MRTFB: variants seen among roughly 807,000 people sequenced by gnomAD.
MRTFB encodes myocardin-related transcription factor B.
Under a neutral mutation model 104.2 loss-of-function variants are expected in MRTFB, and 29 were observed. The observed-to-expected ratio is 0.28, with a 90% CI of 0.21 to 0.38. The LOEUF is 0.38. Ranked by LOEUF, MRTFB falls within the 10% of genes least tolerant of loss-of-function variation. MRTFB has a pLI of 1.00. For synonymous variants in MRTFB, 535 were observed against 519.5 expected (o/e 1.03, Z -0.41); for missense variants, 1,270 against 1,341.6 (o/e 0.95, Z 0.83).
the MRTFB span, among the ~76,000 whole-genome samples, chr16:14,015,574 C>A: frequency 6.6e-6 from 1 of 152,116 alleles, no homozygotes; most frequent in Admixed American, 6.5e-5. Context: ...ACAAATTTTG[C>A]GCTTTTCTGG....
At chr16:14,131,288 T>C (rs1249823156) in intron 2 of MRTFB, among the ~76,000 whole-genome samples, 1 of 152,178 alleles carries the variant, frequency 6.6e-6, no homozygotes, top group African/African-American at 2.4e-5. Flanking sequence ...GGTGAGGCAA[T>C]CACAATCTCA....
intron 2 of MRTFB, among the ~76,000 whole-genome samples, chr16:14,117,017 C>T (rs1364304672): frequency 6.6e-6 from 1 of 152,156 alleles, no homozygotes; most frequent in Non-Finnish European, 1.5e-5. Flanking sequence ...GCTCAGCTCT[C>T]TCGGGACATG....
intron 8 of MRTFB, among the ~76,000 whole-genome samples, chr16:14,229,596 G>A (rs766347249): frequency 3.3e-5 from 5 of 152,198 alleles, no homozygotes; most frequent in Non-Finnish European, 5.9e-5. Flanking sequence ...ATATTCTGCA[G>A]CAGGAACAGT....
chr16:14,194,793 A>G (rs1289007975), intron 3 of MRTFB, among the ~76,000 whole-genome samples: 1 of 147,412 alleles, frequency 6.8e-6, no homozygotes, highest in Admixed American at 6.9e-5. Flanking sequence ...GTGATCTTGG[A>G]TAAATGCTTA....
chr16:14,065,023 C>A, the MRTFB span, among the ~76,000 whole-genome samples: 2 of 152,144 alleles, frequency 1.3e-5, no homozygotes, highest in African/African-American at 4.8e-5. Flanking sequence ...ATAGGAATAG[C>A]ATTGATTCTG....
chr16:14,184,794 C>G (rs1194479602), intron 3 of MRTFB, among the ~76,000 whole-genome samples: 1 of 152,176 alleles, frequency 6.6e-6, no homozygotes, highest in Non-Finnish European at 1.5e-5. Flanking sequence ...GGAGCATATT[C>G]TAGAAGACAG....
intron 3 of MRTFB, chr16:14,152,942 T>G (rs1005413393): frequency 6.6e-6 from 1 of 152,196 alleles, no homozygotes; most frequent in East Asian, 1.9e-4. Flanking sequence ...GTAATATATT[T>G]TGGGAATGAG....
At chr16:14,239,701 G>T (rs1028184398) in intron 9 of MRTFB, among the ~76,000 whole-genome samples, 14 of 152,256 alleles carry the variant, frequency 9.2e-5, no homozygotes, top group African/African-American at 3.4e-4. Flanking sequence ...AAGGAAAAAT[G>T]TAGTATTTGA....
the MRTFB span, among the ~76,000 whole-genome samples, chr16:14,053,249 T>G: frequency 6.6e-6 from 1 of 152,132 alleles, no homozygotes; most frequent in African/African-American, 2.4e-5. Flanking sequence ...TATGTGTGTG[T>G]GTGTATAAAT....
At chr16:14,113,441 A>G (rs1218145093) in intron 2 of MRTFB, among the ~76,000 whole-genome samples, 1 of 152,266 alleles carries the variant, frequency 6.6e-6, no homozygotes, top group Non-Finnish European at 1.5e-5. Flanking sequence ...GAATGAATGA[A>G]CGAATGGATC....
chr16:14,082,984 G>A (rs545422150), intron 2 of MRTFB, among the ~76,000 whole-genome samples: 5 of 152,112 alleles, frequency 3.3e-5, no homozygotes, highest in African/African-American at 1.2e-4. Context: ...CTTTTGATCC[G>A]TGAGCATGGG....
At chr16:14,201,055 C>A in intron 3 of MRTFB, 1 of 1,491,612 alleles carries the variant, frequency 6.7e-7, no homozygotes, top group East Asian at 2.3e-5. Context: ...AGAGCTTAGT[C>A]CATGTTGCAA....
the MRTFB span, among the ~76,000 whole-genome samples, chr16:14,054,773 C>A: frequency 6.6e-6 from 1 of 152,162 alleles, no homozygotes; most frequent in Non-Finnish European, 1.5e-5. Context: ...GAAGCTCCCC[C>A]TTAAAGTTCT....
chr16:14,248,754 G>C, intron 12 of MRTFB, 172 bp from the exon 13 acceptor site: 2 of 621,360 alleles, frequency 3.2e-6, no homozygotes, highest in Non-Finnish European at 5.4e-6. Flanking sequence ...TCCCTCTCTG[G>C]TTTAGAATCA....
At chr16:14,015,581 C>T in the MRTFB span, among the ~76,000 whole-genome samples, 1 of 152,156 alleles carries the variant, frequency 6.6e-6, no homozygotes, top group Non-Finnish European at 1.5e-5. Context: ...TTGCGCTTTT[C>T]TGGAAGGAAG....
intron 2 of MRTFB, among the ~76,000 whole-genome samples, chr16:14,130,454 A>C (rs1207635399): frequency 6.6e-6 from 1 of 152,190 alleles, no homozygotes; most frequent in Non-Finnish European, 1.5e-5. Flanking sequence ...CCTGGGTCAA[A>C]GGATTAATGC....
At chr16:14,138,890 A>T (rs2037858129) in intron 2 of MRTFB, among the ~76,000 whole-genome samples, 1 of 152,238 alleles carries the variant, frequency 6.6e-6, no homozygotes, top group Admixed American at 6.5e-5. Context: ...AAACCTGAAA[A>T]AAAGTTGATT....
chr16:14,111,470 G>C (rs554521622), intron 2 of MRTFB, among the ~76,000 whole-genome samples: 132 of 152,332 alleles, frequency 8.7e-4, no homozygotes, highest in African/African-American at 3.0e-3. Context: ...ACATTCACTA[G>C]AGGTGAATAA....
the MRTFB span, among the ~76,000 whole-genome samples, chr16:14,028,204 C>CAAA: frequency 7.2e-4 from 107 of 148,536 alleles, no homozygotes; most frequent in East Asian, 2.7e-3. Flanking sequence ...ACAAACACAA[C>CAAA]ACAACAAAAC....
Sources: gnomAD v4.1 joint callset for allele counts (sites outside exome capture counted in the v4.1 genomes callset) on GRCh38, gnomAD v4.1.1 for gene constraint, MANE v1.5 for transcripts, NCBI Gene and HGNC (gene_info 2026-07-23, HGNC 2026-07-21) for gene names.